Variants in RBFOX1 observed in about 807,000 individuals in gnomAD.
The protein encoded by RBFOX1 is RNA binding protein fox-1 homolog 1.
Under a neutral mutation model 57.7 loss-of-function variants are expected in RBFOX1, and 8 were observed. The observed-to-expected ratio is 0.14, with a 90% CI of 0.08 to 0.25. The LOEUF (loss-of-function observed/expected upper bound fraction) is 0.25. Ranked by LOEUF, RBFOX1 falls within the 10% of genes least tolerant of loss-of-function variation. RBFOX1 has a pLI of 1.00. For synonymous variants in RBFOX1, 326 were observed against 222.4 expected, an observed-to-expected ratio of 1.47 and a Z score of -4.15; for missense variants, 611 against 548.5, an observed-to-expected ratio of 1.11 and a Z score of -1.14.
intron 2 of RBFOX1, among the ~76,000 whole-genome samples, chr16:6,488,723 A>G (rs553466479): frequency 2.0e-5 from 3 of 152,266 alleles, no homozygotes; most frequent in African/African-American, 4.8e-5. Context: ...AACAGGATCA[A>G]TTTCCTCCCC....
At chr16:6,693,467 C>G (rs569737252) in intron 3 of RBFOX1, among the ~76,000 whole-genome samples, 2,338 of 148,662 alleles carry the variant, frequency 0.016, 72 homozygotes, top group African/African-American at 0.055. Context: ...ATCATCATCA[C>G]CATCATCCTC....
At chr16:7,373,423 G>A (rs1466091415) in intron 4 of RBFOX1, among the ~76,000 whole-genome samples, 1 of 152,128 alleles carries the variant, frequency 6.6e-6, no homozygotes, top group Non-Finnish European at 1.5e-5. Flanking sequence ...GCAGTTCTCT[G>A]TCGTTCTGCA....
At chr16:5,271,406 C>G (rs2063003361) in intron 1 of RBFOX1, among the ~76,000 whole-genome samples, 2 of 152,236 alleles carry the variant, frequency 1.3e-5, no homozygotes, top group South Asian at 2.1e-4. Flanking sequence ...CAGGCTCTAC[C>G]TCCGGTGATT....
At chr16:6,932,226 C>T (rs1477132161) in intron 3 of RBFOX1, among the ~76,000 whole-genome samples, 3 of 152,158 alleles carry the variant, frequency 2.0e-5, no homozygotes, top group Admixed American at 6.5e-5. Context: ...GCCTCGGCCT[C>T]CCAAGTAGCT....
intron 2 of RBFOX1, among the ~76,000 whole-genome samples, chr16:5,511,875 A>G (rs1339631975): frequency 6.6e-6 from 1 of 152,236 alleles, no homozygotes; most frequent in African/African-American, 2.4e-5. Flanking sequence ...AGAGTTGAGT[A>G]CATCCTGCAT....
chr16:6,809,840 C>A (rs1202899896), intron 3 of RBFOX1, among the ~76,000 whole-genome samples: 2 of 152,090 alleles, frequency 1.3e-5, no homozygotes, highest in Admixed American at 6.5e-5. Flanking sequence ...TGCTGTCGTA[C>A]CAAGTGTAAT....
At position 6,317,037 on chromosome 16, in the gene RBFOX1, C is replaced by G; in HGVS notation, c.-84C>G. The G allele has an allele frequency of 3.9e-6, 6 of 1,535,432 alleles. No homozygotes were observed. Among genetic ancestry groups the G allele is most frequent in the Non-Finnish European group, 4.4e-6 (5 of 1,146,440 alleles). Reference sequence around the variant, plus strand: ...TCATGCAAGTGGAACTTACAGCTTCCTTGATCGGACTCAGCATTCAGTAAG... The same window carrying G: ...TCATGCAAGTGGAACTTACAGCTTCGTTGATCGGACTCAGCATTCAGTAAG... On this transcript the variant is annotated 5_prime_UTR_variant, in exon 2 of 16. Transcript: ENST00000550418.
intron 4 of RBFOX1, among the ~76,000 whole-genome samples, chr16:7,350,354 C>A (rs964686162): frequency 6.6e-6 from 1 of 152,056 alleles, no homozygotes; most frequent in African/African-American, 2.4e-5. Flanking sequence ...ACCGGATGGT[C>A]AGTATGGCTG....
At chr16:6,208,527 C>G (rs1466025867) in intron 1 of RBFOX1, among the ~76,000 whole-genome samples, 1 of 152,170 alleles carries the variant, frequency 6.6e-6, no homozygotes, top group South Asian at 2.1e-4. Context: ...CATCTGGGAA[C>G]AGGGACTCTT....
At chr16:7,071,014 GC>G (rs1315492137) in intron 4 of RBFOX1, among the ~76,000 whole-genome samples, 1 of 152,122 alleles carries the variant, frequency 6.6e-6, no homozygotes, top group Non-Finnish European at 1.5e-5. Context: ...AGCTACATTT[GC>G]CATTAAGAGA....
In RBFOX1 at chr16:7,587,056, A is replaced by G. The variant is rs77728303; in HGVS notation, c.415-191A>G. 5.4e-3 allele frequency among the ~76,000 whole-genome samples: 825 copies of G among 152,320 alleles called. 12 individuals are homozygous for G. The highest frequency in any genetic ancestry group is 0.019 in the African/African-American group (793 of 41,578). On this transcript the variant is annotated intron_variant, in intron 6 of 15. Transcript: ENST00000550418. ...ATTTTGTATCAAGCCTTGCCGGTAT[A>G]TTCCATAATAAGGAGAAAATATGGG...
chr16:7,510,513 GCGCGCGC>G (rs1567589313), intron 4 of RBFOX1, among the ~76,000 whole-genome samples: 14 of 150,002 alleles, frequency 9.3e-5, no homozygotes, highest in Admixed American at 5.3e-4. Context: ...GTGTGTGTGG[GCGCGCGC>G]GCACGCGCGC....
At chr16:5,437,479 T>C (rs10221170) in intron 1 of RBFOX1, among the ~76,000 whole-genome samples, 3,214 of 152,336 alleles carry the variant, frequency 0.021, 123 homozygotes, top group African/African-American at 0.074. Context: ...TACTGAGTGC[T>C]GTTATATTGC....
intron 3 of RBFOX1, among the ~76,000 whole-genome samples, chr16:6,878,554 C>A (rs1567682643): frequency 1.3e-5 from 2 of 152,150 alleles, no homozygotes; most frequent in Non-Finnish European, 2.9e-5. Flanking sequence ...TCATTTGTTG[C>A]CACAGCATCA....
intron 4 of RBFOX1, among the ~76,000 whole-genome samples, chr16:7,110,757 C>T (rs1323142522): frequency 6.6e-6 from 1 of 152,094 alleles, no homozygotes; most frequent in South Asian, 2.1e-4. Context: ...TAAAATTGTG[C>T]ACGTAATATT....
chr16:5,251,568 C>T (rs1338153906), intron 1 of RBFOX1, among the ~76,000 whole-genome samples: 1 of 152,318 alleles, frequency 6.6e-6, no homozygotes, highest in African/African-American at 2.4e-5. Flanking sequence ...AGAAGTGGGG[C>T]TTCTCAGACA....
At chr16:7,242,177 A>G (rs1447089573) in intron 4 of RBFOX1, among the ~76,000 whole-genome samples, 1 of 152,082 alleles carries the variant, frequency 6.6e-6, no homozygotes, top group Admixed American at 6.6e-5. Context: ...TGTGTAGGTC[A>G]TGCACTTACT....
intron 2 of RBFOX1, among the ~76,000 whole-genome samples, chr16:6,556,996 CATAT>C (rs886273516): frequency 9.3e-5 from 4 of 42,992 alleles, no homozygotes; most frequent in Admixed American, 2.6e-4. Flanking sequence ...TATATACATA[CATAT>C]ATATACATAT....
intron 5 of RBFOX1, among the ~76,000 whole-genome samples, chr16:7,521,307 G>C (rs1250404799): frequency 6.6e-6 from 1 of 152,176 alleles, no homozygotes; most frequent in Non-Finnish European, 1.5e-5. Context: ...AATTAGCAGG[G>C]ATTTGACATC....
Sources: allele counts gnomAD v4.1 joint callset (sites outside exome capture counted in the v4.1 genomes callset), GRCh38; gene constraint gnomAD v4.1.1; transcripts MANE v1.5; gene names NCBI Gene and HGNC (gene_info 2026-07-23, HGNC 2026-07-21).